PTK2: variants seen among roughly 807,000 people sequenced by gnomAD.
PTK2 encodes protein tyrosine kinase 2, also known as focal adhesion kinase 1.
A neutral mutation model predicts 150.1 loss-of-function variants in PTK2; 45 were observed. That is an observed-to-expected ratio of 0.30 (90% confidence interval 0.24 to 0.38). The LOEUF (loss-of-function observed/expected upper bound fraction) is 0.38, where lower values mean the gene tolerates loss of function less well. Ranked by LOEUF, PTK2 falls within the 10% of genes least tolerant of loss-of-function variation. The pLI is 1.00. For missense variants in PTK2, 919 were observed against 1,307.3 expected, an observed-to-expected ratio of 0.70 and a Z score of 4.58; for synonymous variants, 432 against 449.2, an observed-to-expected ratio of 0.96 and a Z score of 0.48.
At chr8:140,714,789 T>A (rs1323006682) in intron 23 of PTK2, among the ~76,000 whole-genome samples, 1 of 79,272 alleles carries the variant, frequency 1.3e-5, no homozygotes, top group African/African-American at 4.2e-5. Flanking sequence ...AGAGCAAGGC[T>A]CTGTCTCAAA....
intron 2 of PTK2, among the ~76,000 whole-genome samples, chr8:140,923,985 T>A (rs2100168499): frequency 6.6e-6 from 1 of 152,150 alleles, no homozygotes; most frequent in Admixed American, 6.5e-5. Context: ...CACACAATTT[T>A]ACTCCTCTGC....
chr8:140,977,914 T>A (rs4961310), intron 1 of PTK2, among the ~76,000 whole-genome samples: 1 of 152,138 alleles, frequency 6.6e-6, no homozygotes, highest in Non-Finnish European at 1.5e-5. Flanking sequence ...GAGATATAGA[T>A]CAATGGAACA....
At chr8:140,799,739 T>A (rs984275193) in intron 12 of PTK2, among the ~76,000 whole-genome samples, 1 of 152,188 alleles carries the variant, frequency 6.6e-6, no homozygotes, top group Admixed American at 6.5e-5. Flanking sequence ...CTGTTCTTCG[T>A]GTTTGACCAG....
chr8:140,830,153 CCTT>C (rs2154602859), intron 8 of PTK2, among the ~76,000 whole-genome samples: 1 of 152,178 alleles, frequency 6.6e-6, no homozygotes, highest in South Asian at 2.1e-4. Flanking sequence ...ACATATTGCT[CCTT>C]TTCTTCTGCA....
chr8:140,743,470 G>GAT (rs1439403838), intron 19 of PTK2, 140 bp from the exon 23 acceptor site: 1 of 494,296 alleles, frequency 2.0e-6, no homozygotes, highest in South Asian at 4.0e-5. Context: ...TTTATTATAG[G>GAT]ATATATATAA....
intron 26 of PTK2, among the ~76,000 whole-genome samples, chr8:140,693,602 A>AAAAAAAG (rs1564499233): frequency 8.4e-6 from 1 of 119,650 alleles, no homozygotes. Context: ...AAAAAAAAAA[A>AAAAAAAG]GGAGCACTAG....
intron 2 of PTK2, among the ~76,000 whole-genome samples, chr8:140,898,670 A>G (rs561304899): frequency 7.7e-4 from 118 of 152,280 alleles, no homozygotes; most frequent in Non-Finnish European, 1.5e-3. Flanking sequence ...AAGGGAAAAA[A>G]ATGCAACGAA....
intron 1 of PTK2, among the ~76,000 whole-genome samples, chr8:140,940,822 C>T (rs933669776): frequency 6.6e-6 from 1 of 152,028 alleles, no homozygotes; most frequent in East Asian, 1.9e-4. Context: ...ACTAAAAATA[C>T]AAAAATTAGC....
intron 2 of PTK2, among the ~76,000 whole-genome samples, chr8:140,910,563 A>G (rs1469653663): frequency 1.3e-5 from 2 of 151,976 alleles, no homozygotes; most frequent in African/African-American, 4.9e-5. Flanking sequence ...TGACTGCTAT[A>G]GAAGTCTTTC....
At chr8:140,685,945 C>T (rs2100019521) in intron 27 of PTK2, among the ~76,000 whole-genome samples, 1 of 152,188 alleles carries the variant, frequency 6.6e-6, no homozygotes, top group East Asian at 1.9e-4. Context: ...TTATATTCAT[C>T]ACAGCACTGT....
At chr8:140,764,189 G>A in intron 15 of PTK2, 45 bp downstream of exon 17, 2 of 1,462,148 alleles carry the variant, frequency 1.4e-6, no homozygotes, top group Non-Finnish European at 1.9e-6. Context: ...ATGCAAGGAG[G>A]CATCTGTCAA....
intron 2 of PTK2, among the ~76,000 whole-genome samples, chr8:140,906,027 T>C (rs1484726287): frequency 6.8e-6 from 1 of 147,304 alleles, no homozygotes. Flanking sequence ...CTCAAAAGGA[T>C]AAATAATCCT....
At chr8:140,925,271 T>G (rs974513360) in intron 2 of PTK2, among the ~76,000 whole-genome samples, 6 of 152,246 alleles carry the variant, frequency 3.9e-5, no homozygotes, top group African/African-American at 1.4e-4. Context: ...ATATATCATC[T>G]TTCAACTCTT....
chr8:140,690,945 A>C (rs1273585469), intron 26 of PTK2, among the ~76,000 whole-genome samples: 1 of 152,224 alleles, frequency 6.6e-6, no homozygotes, highest in Non-Finnish European at 1.5e-5. Flanking sequence ...TTCATTTCTA[A>C]AATGGAACAG....
At chr8:140,682,437 T>C (rs2100017594) in intron 27 of PTK2, among the ~76,000 whole-genome samples, 1 of 152,186 alleles carries the variant, frequency 6.6e-6, no homozygotes, top group South Asian at 2.1e-4. Flanking sequence ...CAACGGCTAA[T>C]ATGTGTATAT....
intron 31 of PTK2, 152 bp downstream of exon 35, chr8:140,664,765 G>A: frequency 1.3e-6 from 1 of 760,382 alleles, no homozygotes; most frequent in Non-Finnish European, 2.2e-6. Flanking sequence ...CCTGGTTGGG[G>A]CCAGTGTTAG....
At chr8:140,683,960 T>G (rs2153658297) in intron 27 of PTK2, among the ~76,000 whole-genome samples, 1 of 152,300 alleles carries the variant, frequency 6.6e-6, no homozygotes, top group South Asian at 2.1e-4. Flanking sequence ...AAGACCAGGA[T>G]GCCCACTCTT....
chr8:140,736,527 C>CAA (rs113241429), intron 21 of PTK2, among the ~76,000 whole-genome samples: 12,177 of 143,192 alleles, frequency 0.085, 697 homozygotes, highest in East Asian at 0.27. Context: ...ATCTAAAATT[C>CAA]AAAAAAAAAA....
chr8:140,888,762 G>C (rs957552554), intron 3 of PTK2, among the ~76,000 whole-genome samples: 2 of 121,766 alleles, frequency 1.6e-5, no homozygotes, highest in South Asian at 2.6e-4. Context: ...TGTAAGTCTT[G>C]AACATTTTTG....
Sources: gnomAD v4.1 joint callset for allele counts (sites outside exome capture counted in the v4.1 genomes callset) on GRCh38, gnomAD v4.1.1 for gene constraint, MANE v1.5 for transcripts, NCBI Gene and HGNC (gene_info 2026-07-23, HGNC 2026-07-21) for gene names.